CNST: variants seen among roughly 807,000 people sequenced by gnomAD.
CNST encodes consortin.
In CNST, 39 loss-of-function variants were observed where a neutral mutation model predicts 72.4. That is an observed-to-expected ratio of 0.54 (90% CI 0.42 to 0.70). The LOEUF is 0.70. Among genes scored for constraint, CNST ranks in the 30% least tolerant of loss-of-function variants. The probability of loss-of-function intolerance (pLI) is 0.00; values close to 1 mark genes in which losing one functional copy is unlikely to be tolerated. For missense variants in CNST, 871 were observed against 868.5 expected, an observed-to-expected ratio of 1.00 and a Z score of -0.04; for synonymous variants, 332 against 320.1, an observed-to-expected ratio of 1.04 and a Z score of -0.40.
chr1:246,615,478 A>G (rs904843801), intron 2 of CNST, among the ~76,000 whole-genome samples: 1 of 151,590 alleles, frequency 6.6e-6, no homozygotes, highest in Non-Finnish European at 1.5e-5. Flanking sequence ...CCCGGCCACA[A>G]ATAATTTTTA....
chr1:246,637,100 T>G (rs1355835559), intron 6 of CNST, among the ~76,000 whole-genome samples: 1 of 152,056 alleles, frequency 6.6e-6, no homozygotes, highest in Non-Finnish European at 1.5e-5. Flanking sequence ...AAAAAGAAAA[T>G]TTTTTGGTTA....
intron 10 of CNST, among the ~76,000 whole-genome samples, chr1:246,664,715 C>T (rs568327809): frequency 4.4e-4 from 67 of 152,270 alleles, no homozygotes; most frequent in East Asian, 1.9e-3. Context: ...CGTGAGCCAC[C>T]ACACCCAGCC....
Position 246,641,790 on chromosome 1 carries a change from G to A in CNST, c.840+20G>A. The A allele has an allele frequency of 1.5e-6, 2 of 1,321,128 alleles. No individual in the cohort carries two copies. The highest frequency in any genetic ancestry group is 2.2e-6 in the Non-Finnish European group (2 of 927,334). The allele number at this position is 1,321,128 out of a possible 1,614,324, so 81.8% of individuals were successfully genotyped here. On this transcript the variant is annotated intron_variant, in intron 7 of 10. Transcript: ENST00000366513. ...CATAAGGTAAGAGATTGTTTCTTTTGAATATATTTCTAGGAAAAATGTTTG... is the reference window on the plus strand; with the variant it reads ...CATAAGGTAAGAGATTGTTTCTTTTAAATATATTTCTAGGAAAAATGTTTG...
chr1:246,628,382 A>C (rs1269505174), intron 3 of CNST, among the ~76,000 whole-genome samples: 1 of 152,236 alleles, frequency 6.6e-6, no homozygotes, highest in African/African-American at 2.4e-5. Context: ...AAGGTATTCG[A>C]GTGTGAGAAC....
rs550697329 is a variant in CNST at position 246,646,279 on chromosome 1, C to CA, written c.938-845dup. Among the ~76,000 whole-genome samples the CA allele has an allele frequency of 1.9e-3, 193 of 99,322 alleles. 6 individuals carry two copies. The highest frequency in any genetic ancestry group is 5.8e-3 in the Middle Eastern group (1 of 172). 65.2% of individuals were successfully genotyped at this position (99,322 alleles called of 152,430 possible). ...TGGGTGACAGAGCGAAACTCCGTCT[C>CA]AAAAAAAAAAAAAAAGTTGCAAGTA... On this transcript the variant is annotated intron_variant, in intron 8 of 10. Transcript: ENST00000366513.
At chr1:246,585,416 GC>G (rs1230669627) in intron 1 of CNST, among the ~76,000 whole-genome samples, 12 of 152,098 alleles carry the variant, frequency 7.9e-5, no homozygotes, top group East Asian at 3.9e-4. Context: ...GGAGGCCGAG[GC>G]GGGCAAATCA....
chr1:246,665,635 A>G (rs1029111059), intron 10 of CNST, 65 bp from the exon 11 acceptor site: 2 of 1,324,492 alleles, frequency 1.5e-6, no homozygotes, highest in Admixed American at 3.4e-5. Context: ...ATTAGTGAAA[A>G]GACAGCAGAT....
chr1:246,574,224 T>G (rs1490706531), intron 1 of CNST, among the ~76,000 whole-genome samples: 4 of 152,096 alleles, frequency 2.6e-5, no homozygotes, highest in South Asian at 4.1e-4. Context: ...TGTATTTTTA[T>G]TAGAGACGGG....
intron 3 of CNST, among the ~76,000 whole-genome samples, chr1:246,630,447 A>C (rs12754367): frequency 0.48 from 72,657 of 152,132 alleles, 19,157 homozygotes; most frequent in African/African-American, 0.69. Flanking sequence ...ATCAAACTTT[A>C]TATTAACTGA....
chr1:246,643,218 T>C (rs574741310), intron 8 of CNST, among the ~76,000 whole-genome samples: 2 of 152,082 alleles, frequency 1.3e-5, no homozygotes, highest in Non-Finnish European at 2.9e-5. Context: ...CAAAGTATAT[T>C]TTTATTCTTT....
chr1:246,659,334 C>G (rs1214828236), intron 9 of CNST, among the ~76,000 whole-genome samples: 1 of 152,212 alleles, frequency 6.6e-6, no homozygotes, highest in African/African-American at 2.4e-5. Context: ...GTGGCTCACA[C>G]CTGTAATCCC....
chr1:246,585,666 TACACACACAC>T (rs56730668), intron 1 of CNST, among the ~76,000 whole-genome samples: 1,649 of 101,564 alleles, frequency 0.016, 52 homozygotes, highest in African/African-American at 0.03. Flanking sequence ...AAAAAAAATA[TACACACACAC>T]ACACACACAC....
intron 9 of CNST, among the ~76,000 whole-genome samples, chr1:246,654,552 C>T (rs1030519182): frequency 2.6e-5 from 4 of 152,218 alleles, no homozygotes; most frequent in African/African-American, 9.6e-5. Context: ...TCTCTGTTAT[C>T]GTAAGACGCA....
At chr1:246,610,073 G>C (rs1663203006) in intron 2 of CNST, among the ~76,000 whole-genome samples, 1 of 152,132 alleles carries the variant, frequency 6.6e-6, no homozygotes, top group Non-Finnish European at 1.5e-5. Flanking sequence ...ATGAGGTCAG[G>C]AGTTCAAGAC....
chr1:246,632,244 T>G (rs1443781023), intron 4 of CNST: 1 of 294,590 alleles, frequency 3.4e-6, no homozygotes, highest in Non-Finnish European at 6.5e-6. Context: ...CACTCAACAG[T>G]GTACATTTAA....
chr1:246,635,008 G>C (rs74344878), intron 6 of CNST, among the ~76,000 whole-genome samples: 1 of 94,116 alleles, frequency 1.1e-5, no homozygotes, highest in Non-Finnish European at 2.3e-5. Flanking sequence ...TCCTGCTTCT[G>C]CTTCTCGCTG....
chr1:246,614,302 C>T (rs1243260170), intron 2 of CNST, among the ~76,000 whole-genome samples: 1 of 152,116 alleles, frequency 6.6e-6, no homozygotes, highest in African/African-American at 2.4e-5. Flanking sequence ...TTGACTGTAA[C>T]CTCTCACATG....
chr1:246,621,891 A>C (rs1365324331), intron 3 of CNST, among the ~76,000 whole-genome samples: 2 of 152,206 alleles, frequency 1.3e-5, no homozygotes, highest in Non-Finnish European at 2.9e-5. Context: ...GCTACTTGGG[A>C]GGCCAAGGTG....
intron 6 of CNST, among the ~76,000 whole-genome samples, chr1:246,641,074 A>G (rs916003983): frequency 3.3e-5 from 5 of 152,202 alleles, no homozygotes; most frequent in Non-Finnish European, 7.3e-5. Flanking sequence ...CATGCAGAAT[A>G]TAGATTTTTA....
Sources: gnomAD v4.1 joint callset for allele counts (sites outside exome capture counted in the v4.1 genomes callset) on GRCh38, gnomAD v4.1.1 for gene constraint, MANE v1.5 for transcripts, NCBI Gene and HGNC (gene_info 2026-07-23, HGNC 2026-07-21) for gene names.